The following WWOX variants were observed in gnomAD, a reference collection of about 807,000 sequenced individuals.
WWOX encodes WW domain containing oxidoreductase.
Under a neutral mutation model 46.2 loss-of-function variants are expected in WWOX, and 69 were observed. That is an observed-to-expected ratio of 1.49 (90% CI 1.23 to 1.82). The LOEUF (loss-of-function observed/expected upper bound fraction) is 1.82. Among genes scored for constraint, WWOX ranks in the 40% most tolerant of loss-of-function variants. WWOX has a pLI of 0.00. For missense variants in WWOX, 919 were observed against 542.6 expected, an observed-to-expected ratio of 1.69 and a Z score of -6.89; for synonymous variants, 359 against 202.6, an observed-to-expected ratio of 1.77 and a Z score of -6.56.
At chr16:79,160,777 A>C (rs1423554574) in intron 8 of WWOX, among the ~76,000 whole-genome samples, 1 of 152,144 alleles carries the variant, frequency 6.6e-6, no homozygotes, top group Non-Finnish European at 1.5e-5. Flanking sequence ...TGATTTGTGC[A>C]TTCATATGTC....
At chr16:78,927,706 T>C (rs1256256227) in intron 8 of WWOX, among the ~76,000 whole-genome samples, 1 of 152,228 alleles carries the variant, frequency 6.6e-6, no homozygotes, top group Non-Finnish European at 1.5e-5. Flanking sequence ...TTTATTGAGC[T>C]TACTTGGTGC....
At chr16:78,686,432 A>G (rs1281466193) in intron 8 of WWOX, among the ~76,000 whole-genome samples, 1 of 151,778 alleles carries the variant, frequency 6.6e-6, no homozygotes, top group African/African-American at 2.4e-5. Flanking sequence ...AATGGTGTCA[A>G]CCCGGGAGGT....
intron 8 of WWOX, among the ~76,000 whole-genome samples, chr16:78,571,478 T>A (rs2044714528): frequency 6.6e-6 from 1 of 152,240 alleles, no homozygotes; most frequent in African/African-American, 2.4e-5. Flanking sequence ...TTTTGCCAAC[T>A]TGACATGTGG....
At position 78,830,611 on chromosome 16, in the gene WWOX, C is replaced by G. The variant is rs7185947; in HGVS notation, c.1057-380997C>G. Among the ~76,000 whole-genome samples the G allele has an allele frequency of 4.7e-3, 715 of 152,118 alleles. 5 individuals are homozygous for G. Among genetic ancestry groups the G allele is most frequent in the African/African-American group, 0.016 (676 of 41,518 alleles). On this transcript the variant is annotated intron_variant, in intron 8 of 8. Coordinates refer to ENST00000566780, the MANE Select transcript of WWOX (RefSeq NM_016373.4). ...AAGGTCACTAAATTAAGCCTTCAGACAATCGAAAAATTGAATCTCAGTACC... is the reference window on the plus strand; with the variant it reads ...AAGGTCACTAAATTAAGCCTTCAGAGAATCGAAAAATTGAATCTCAGTACC...
At chr16:79,105,111 T>TG (rs2049281883) in intron 8 of WWOX, among the ~76,000 whole-genome samples, 1 of 152,138 alleles carries the variant, frequency 6.6e-6, no homozygotes, top group Admixed American at 6.6e-5. Context: ...CCTCACCTGC[T>TG]GGGGGTCTTT....
rs568538565 is a variant in WWOX, at chr16:78,254,070, ATTC to A, written c.516+89787_516+89789del. ...TCTTTTTTAATGTCTTTCGTGAAGA[ATTC>A]TTCTTTTTTTTTTCTGAGACAATGA... On this transcript the variant is annotated intron_variant, in intron 5 of 8. Coordinates refer to ENST00000566780, the MANE Select transcript of WWOX (RefSeq NM_016373.4). Among the ~76,000 whole-genome samples the A allele has an allele frequency of 1.9e-4, 29 of 151,816 alleles. 1 individual carries two copies. In the South Asian group the frequency reaches 5.6e-3, roughly 30 times the overall value.
intron 8 of WWOX, among the ~76,000 whole-genome samples, chr16:78,575,018 T>TAA (rs1567655015): frequency 7.6e-5 from 1 of 13,114 alleles, no homozygotes; most frequent in African/African-American, 4.9e-4. Context: ...TATATATATA[T>TAA]ATAAATATAT....
At chr16:78,211,420 G>C (rs1035368405) in intron 5 of WWOX, among the ~76,000 whole-genome samples, 1 of 152,094 alleles carries the variant, frequency 6.6e-6, no homozygotes, top group Non-Finnish European at 1.5e-5. Flanking sequence ...TCAGGTTCTT[G>C]GGGAAGACTT....
At chr16:78,639,992 A>G (rs2046664645) in intron 8 of WWOX, among the ~76,000 whole-genome samples, 1 of 152,210 alleles carries the variant, frequency 6.6e-6, no homozygotes, top group African/African-American at 2.4e-5. Flanking sequence ...AATCCCACAC[A>G]GTGCTGGGGC....
intron 5 of WWOX, among the ~76,000 whole-genome samples, chr16:78,300,413 C>G (rs936360785): frequency 3.3e-5 from 5 of 152,130 alleles, no homozygotes; most frequent in African/African-American, 1.2e-4. Context: ...GGTGCCATAA[C>G]ATGTCTGTGT....
At chr16:78,712,960 G>C (rs2048475347) in intron 8 of WWOX, among the ~76,000 whole-genome samples, 1 of 152,082 alleles carries the variant, frequency 6.6e-6, no homozygotes, top group Non-Finnish European at 1.5e-5. Flanking sequence ...AGGCTGCCAA[G>C]AATAGCAGTT....
rs578107928 is a variant in WWOX, at chr16:78,482,515, G to A, written c.1056+49763G>A. Among the ~76,000 whole-genome samples, 9 of 152,292 alleles carry A rather than the reference G, an allele frequency of 5.9e-5. No homozygotes were observed. The South Asian group carries it at 1.9e-3, about 32-fold the overall frequency. On this transcript the variant is annotated intron_variant, in intron 8 of 8. Transcript: ENST00000566780. ...TGGGATGACAGGCGTGAGCTGCCTT[G>A]CCTAGCCAAATAACTCCATTATTTA...
intron 8 of WWOX, chr16:79,203,549 T>C (rs1456653982): frequency 6.6e-6 from 1 of 151,680 alleles, no homozygotes; most frequent in Non-Finnish European, 1.5e-5. Flanking sequence ...ATAGAATACT[T>C]ATGGGGCATA....
At chr16:78,119,243 C>T (rs770934823) in intron 4 of WWOX, among the ~76,000 whole-genome samples, 6 of 152,150 alleles carry the variant, frequency 3.9e-5, no homozygotes, top group African/African-American at 7.2e-5. Flanking sequence ...AACGGAAATG[C>T]CTTCAGCACG....
intron 8 of WWOX, among the ~76,000 whole-genome samples, chr16:78,965,552 G>A (rs1044493856): frequency 1.4e-5 from 2 of 147,830 alleles, no homozygotes; most frequent in South Asian, 2.2e-4. Context: ...CCTGGGTAAC[G>A]AGCAAAACTC....
chr16:79,181,011 T>G (rs943106848), intron 8 of WWOX, among the ~76,000 whole-genome samples: 2 of 152,238 alleles, frequency 1.3e-5, no homozygotes, highest in African/African-American at 4.8e-5. Flanking sequence ...TTAGATTTTT[T>G]ACATTATTAA....
At chr16:79,125,730 T>C (rs895646419) in intron 8 of WWOX, among the ~76,000 whole-genome samples, 1 of 152,216 alleles carries the variant, frequency 6.6e-6, no homozygotes, top group Non-Finnish European at 1.5e-5. Context: ...TGGAGGAACA[T>C]AGCTTTGGGG....
chr16:78,412,885 G>C (rs939326989), intron 6 of WWOX, among the ~76,000 whole-genome samples: 1 of 152,168 alleles, frequency 6.6e-6, no homozygotes, highest in African/African-American at 2.4e-5. Flanking sequence ...AGTGCAACCT[G>C]CCTAGGTCAA....
At chr16:79,171,987 G>C (rs1048652145) in intron 8 of WWOX, among the ~76,000 whole-genome samples, 14 of 152,190 alleles carry the variant, frequency 9.2e-5, no homozygotes, top group African/African-American at 3.1e-4. Context: ...AGTTTGCCAT[G>C]AGTCAGACAG....
Sources: gnomAD v4.1 joint callset for allele counts (sites outside exome capture counted in the v4.1 genomes callset) on GRCh38, gnomAD v4.1.1 for gene constraint, MANE v1.5 for transcripts, NCBI Gene and HGNC (gene_info 2026-07-23, HGNC 2026-07-21) for gene names.